The following PCDH9 variants were observed in gnomAD, a reference collection of about 807,000 sequenced individuals.
PCDH9 encodes protocadherin 9, also known as protocadherin-9.
In PCDH9, 24 loss-of-function variants were observed where a neutral mutation model predicts 70.6. The observed-to-expected ratio is 0.34, with a 90% confidence interval of 0.25 to 0.48. The LOEUF (loss-of-function observed/expected upper bound fraction) is 0.48, where lower values mean the gene tolerates loss of function less well. Among genes scored for constraint, PCDH9 ranks in the 20% least tolerant of loss-of-function variants. The probability of loss-of-function intolerance (pLI) is 0.99; values close to 1 mark genes in which losing one functional copy is unlikely to be tolerated. For synonymous variants in PCDH9, 562 were observed against 558.5 expected, an observed-to-expected ratio of 1.01 and a Z score of -0.09; for missense variants, 1,281 against 1,503.6, an observed-to-expected ratio of 0.85 and a Z score of 2.45.
At chr13:67,119,351 T>C (rs1038743496) in intron 2 of PCDH9, among the ~76,000 whole-genome samples, 1 of 152,278 alleles carries the variant, frequency 6.6e-6, no homozygotes, top group Non-Finnish European at 1.5e-5. Context: ...AGCCCCCTCC[T>C]CTTCATCATG....
Position 66,513,676 on chromosome 13 carries a change from A to C in PCDH9, c.3340+117534T>G, listed in dbSNP as rs181269273. On this transcript the variant is annotated intron_variant, in intron 4 of 4. Coordinates refer to ENST00000377865, the MANE Select transcript of PCDH9 (RefSeq NM_203487.3). ...TTCATTCTTCAGTTTTTAATAAAAC[A>C]ATAGAATGGCTGTCAGAATACAAAT... Among the ~76,000 whole-genome samples the C allele has an allele frequency of 3.9e-3, 591 of 152,208 alleles. 14 individuals are homozygous for C. The highest frequency in any genetic ancestry group is 2.3e-3 in the East Asian group (12 of 5,180).
chr13:67,010,433 G>A lies in PCDH9; in HGVS notation c.3037-106828C>T, dbSNP rs2084431918. 1.3e-5 allele frequency among the ~76,000 whole-genome samples: 2 copies of A among 151,938 alleles called. 1 individual carries two copies. Among genetic ancestry groups the A allele is most frequent in the South Asian group, 4.1e-4 (2 of 4,826 alleles). Reference sequence around the variant, plus strand: ...TTCTCTCTATTGCCTATAAAAGCCTGTTAGGCAGGAAGCTAACTTCACTTA... The same window carrying A: ...TTCTCTCTATTGCCTATAAAAGCCTATTAGGCAGGAAGCTAACTTCACTTA... On this transcript the variant is annotated intron_variant, in intron 2 of 4. Coordinates refer to ENST00000377865, the MANE Select transcript of PCDH9 (RefSeq NM_203487.3).
chr13:67,083,537 T>C (rs2086029846), intron 2 of PCDH9, among the ~76,000 whole-genome samples: 1 of 152,192 alleles, frequency 6.6e-6, no homozygotes, highest in Non-Finnish European at 1.5e-5. Context: ...TTACTAAATA[T>C]CCTTACAAGA....
chr13:67,130,547 C>T (rs2087087819), intron 2 of PCDH9, among the ~76,000 whole-genome samples: 1 of 151,820 alleles, frequency 6.6e-6, no homozygotes, highest in Non-Finnish European at 1.5e-5. Context: ...TGAGAAACAC[C>T]CTGCCTAACC....
chr13:66,809,302 G>C (rs866471881), intron 3 of PCDH9, among the ~76,000 whole-genome samples: 1 of 152,008 alleles, frequency 6.6e-6, no homozygotes, highest in African/African-American at 2.4e-5. Flanking sequence ...AAAAATTACC[G>C]TGTATACAAT....
At position 66,737,702 on chromosome 13, in the gene PCDH9, G is replaced by A. The variant is rs562842851; in HGVS notation, c.3139-106291C>T. ...CACCTGGGAAGCACAAGGGGTCAGG[G>A]AGTTCCCTTTCCGAGTCAAAGAAAG... On this transcript the variant is annotated intron_variant, in intron 3 of 4. Transcript: ENST00000377865. 3.9e-5 allele frequency among the ~76,000 whole-genome samples: 6 copies of A among 152,312 alleles called. No individual in the cohort carries two copies. The South Asian group carries it at 1.2e-3, about 32-fold the overall frequency.
At chr13:67,104,907 A>G (rs1362314675) in intron 2 of PCDH9, among the ~76,000 whole-genome samples, 1 of 130,530 alleles carries the variant, frequency 7.7e-6, no homozygotes, top group Admixed American at 8.0e-5. Flanking sequence ...CCTTAATCTC[A>G]CTTTTAAATC....
At chr13:66,899,106 A>G (rs1478735615) in intron 3 of PCDH9, among the ~76,000 whole-genome samples, 1 of 152,048 alleles carries the variant, frequency 6.6e-6, no homozygotes, top group African/African-American at 2.4e-5. Flanking sequence ...TTTCTATCAC[A>G]TGACTCAATT....
intron 2 of PCDH9, chr13:67,224,985 A>G: frequency 2.0e-6 from 2 of 1,022,606 alleles, no homozygotes; most frequent in Non-Finnish European, 2.3e-6. Flanking sequence ...TTGCAGTCAC[A>G]CCTTCAAAAG....
At chr13:66,864,003 A>G (rs2081528377) in intron 3 of PCDH9, among the ~76,000 whole-genome samples, 1 of 152,132 alleles carries the variant, frequency 6.6e-6, no homozygotes, top group Non-Finnish European at 1.5e-5. Flanking sequence ...GGTGGCAGCA[A>G]GGACAAGTGC....
chr13:66,933,020 T>A (rs561849406), intron 2 of PCDH9, among the ~76,000 whole-genome samples: 8 of 151,824 alleles, frequency 5.3e-5, no homozygotes, highest in South Asian at 2.1e-4. Flanking sequence ...CTGTTTAAGG[T>A]CCATATTTAA....
intron 4 of PCDH9, among the ~76,000 whole-genome samples, chr13:66,561,409 A>T (rs910819779): frequency 2.0e-5 from 3 of 152,184 alleles, no homozygotes; most frequent in Non-Finnish European, 2.9e-5. Context: ...AGGAGTGCAG[A>T]CACAAGGCAC....
chr13:66,948,273 G>A (rs957396135), intron 2 of PCDH9, among the ~76,000 whole-genome samples: 5 of 152,062 alleles, frequency 3.3e-5, no homozygotes, highest in Admixed American at 6.6e-5. Context: ...TGCAGTTCAT[G>A]CCAGTATAGT....
intron 3 of PCDH9, among the ~76,000 whole-genome samples, chr13:66,850,256 C>T (rs772353497): frequency 1.2e-4 from 19 of 152,174 alleles, no homozygotes; most frequent in Non-Finnish European, 2.1e-4. Flanking sequence ...TGGTGGCTCA[C>T]GCCTGTAATG....
chr13:66,696,361 G>A (rs1223927662), intron 3 of PCDH9, among the ~76,000 whole-genome samples: 3 of 152,152 alleles, frequency 2.0e-5, no homozygotes, highest in African/African-American at 7.2e-5. Flanking sequence ...TTATAAGAAG[G>A]ATAACTGAAA....
chr13:66,487,823 T>C (rs184238821), intron 4 of PCDH9, among the ~76,000 whole-genome samples: 3 of 152,304 alleles, frequency 2.0e-5, no homozygotes, highest in South Asian at 2.1e-4. Flanking sequence ...TCAAGCCAGA[T>C]GCAATGAAGA....
At chr13:66,349,438 T>C (rs1440609691) in intron 4 of PCDH9, among the ~76,000 whole-genome samples, 1 of 152,170 alleles carries the variant, frequency 6.6e-6, no homozygotes, top group Non-Finnish European at 1.5e-5. Flanking sequence ...AAGAGAGGTT[T>C]TCCTCCCACT....
At chr13:66,822,494 ATTTT>A (rs57689980) in intron 3 of PCDH9, among the ~76,000 whole-genome samples, 3 of 118,154 alleles carry the variant, frequency 2.5e-5, no homozygotes, top group Admixed American at 9.8e-5. Context: ...ATGTCCTGGA[ATTTT>A]TTTTTTTTTT....
At chr13:66,411,393 T>G (rs1433319674) in intron 4 of PCDH9, among the ~76,000 whole-genome samples, 2 of 152,088 alleles carry the variant, frequency 1.3e-5, no homozygotes, top group East Asian at 3.9e-4. Flanking sequence ...CTCAAGCAAC[T>G]CTCCCACCTC....
Sources: allele counts gnomAD v4.1 joint callset (sites outside exome capture counted in the v4.1 genomes callset), GRCh38; gene constraint gnomAD v4.1.1; transcripts MANE v1.5; gene names NCBI Gene and HGNC (gene_info 2026-07-23, HGNC 2026-07-21).